The following BCL7A variants were observed in gnomAD, a reference collection of about 807,000 sequenced individuals.
The protein encoded by BCL7A is BAF chromatin remodeling complex subunit BCL7A, also known as B-cell CLL/lymphoma 7 protein family member A.
BCL7A carries 11 observed loss-of-function variants against 28.4 expected under a neutral mutation model. The ratio of observed to expected loss-of-function variants is 0.39; its 90% CI spans 0.24 to 0.64. BCL7A has a LOEUF of 0.64. Ranked by LOEUF, BCL7A falls within the 30% of genes least tolerant of loss-of-function variation. BCL7A has a pLI of 0.50. For missense variants in BCL7A, 222 were observed against 274.8 expected (o/e 0.81, Z 1.36); for synonymous variants, 123 against 103.3 (o/e 1.19, Z -1.15).
At chr12:122,042,413 G>A (rs1883980728) in intron 3 of BCL7A, among the ~76,000 whole-genome samples, 1 of 152,062 alleles carries the variant, frequency 6.6e-6, no homozygotes, top group East Asian at 1.9e-4. Flanking sequence ...CCAGCACTTT[G>A]GTAGGCTGAG....
intron 4 of BCL7A, among the ~76,000 whole-genome samples, chr12:122,048,292 A>G (rs1316102076): frequency 6.6e-6 from 1 of 151,242 alleles, no homozygotes; most frequent in East Asian, 1.9e-4. Flanking sequence ...AAGCTTATCT[A>G]TGTCTGAATC....
chr12:122,025,458 A>C (rs2135837807), intron 1 of BCL7A, among the ~76,000 whole-genome samples: 2 of 151,862 alleles, frequency 1.3e-5, no homozygotes, highest in African/African-American at 4.8e-5. Flanking sequence ...CCCCGTCTCT[A>C]CTAAAAAAAT....
At chr12:122,056,240 C>G (rs1387858041) in intron 5 of BCL7A, among the ~76,000 whole-genome samples, 1 of 152,158 alleles carries the variant, frequency 6.6e-6, no homozygotes, top group Non-Finnish European at 1.5e-5. Flanking sequence ...GCCTCTTGAT[C>G]TCAGAGAAGA....
chr12:122,022,455 G>C, intron 1 of BCL7A, among the ~76,000 whole-genome samples: 1 of 145,496 alleles, frequency 6.9e-6, no homozygotes, highest in South Asian at 2.1e-4. Context: ...GGGCCAGGCG[G>C]TTGGAGCGGC....
intron 1 of BCL7A, among the ~76,000 whole-genome samples, chr12:122,022,811 T>C (rs2135833659): frequency 6.6e-6 from 1 of 151,750 alleles, no homozygotes; most frequent in South Asian, 2.1e-4. Flanking sequence ...GCGAGGGCTC[T>C]CGGCGACCAG....
intron 2 of BCL7A, among the ~76,000 whole-genome samples, chr12:122,034,650 C>T (rs184021166): frequency 1.5e-4 from 22 of 151,302 alleles, no homozygotes; most frequent in African/African-American, 4.6e-4. Context: ...GCAGAAGAAT[C>T]GCTTGAATCT....
At position 122,060,138 on chromosome 12, in the gene BCL7A, C is replaced by T. The variant is rs1951908805; in HGVS notation, c.*975C>T. The T allele has an allele frequency of 4.3e-6, 1 of 233,072 alleles. No homozygotes were observed. Among genetic ancestry groups the T allele is most frequent in the African/African-American group, 2.2e-5 (1 of 45,306 alleles). The allele number at this position is 233,072 out of a possible 1,614,324, so 14.4% of individuals were successfully genotyped here. A position where few individuals can be genotyped will look rare whatever the true frequency, so the allele number is the denominator to read the frequency against. On this transcript the variant is annotated 3_prime_UTR_variant, in exon 6 of 6. Coordinates refer to ENST00000261822, the MANE Select transcript of BCL7A (RefSeq NM_001024808.3). ...GGCGGCAGGATTAGCTGGTGCTGAACTTTCTCTCATAGGACGTCGCTTGGA... is the reference window on the plus strand; with the variant it reads ...GGCGGCAGGATTAGCTGGTGCTGAATTTTCTCTCATAGGACGTCGCTTGGA...
Position 122,061,295 on chromosome 12 carries a change from AC to A in BCL7A, c.*2133del, listed in dbSNP as rs1240043990. 3 of 231,308 alleles carry A rather than the reference AC, an allele frequency of 1.3e-5. No homozygotes were observed. The highest frequency in any genetic ancestry group is 1.7e-5 in the Non-Finnish European group (2 of 116,902). The allele number at this position is 231,308 out of a possible 1,614,324, so 14.3% of individuals were successfully genotyped here. A position where few individuals can be genotyped will look rare whatever the true frequency, so the allele number is the denominator to read the frequency against. On this transcript the variant is annotated 3_prime_UTR_variant, in exon 6 of 6. Coordinates refer to ENST00000261822, the MANE Select transcript of BCL7A (RefSeq NM_001024808.3). ...CTGCCGTTGACCGCAGCCTCTCTGG[AC>A]AGGCAAGGGGAGTTGGCGCAGGTGA...
chr12:122,036,516 C>T (rs1218329483), intron 3 of BCL7A, among the ~76,000 whole-genome samples: 1 of 152,152 alleles, frequency 6.6e-6, no homozygotes, highest in South Asian at 2.1e-4. Flanking sequence ...TCTGTTTTGA[C>T]CTTTTTATTT....
chr12:122,021,927 T>G lies in BCL7A; in HGVS notation c.-165T>G. On this transcript the variant is annotated 5_prime_UTR_variant, in exon 1 of 6. Transcript: ENST00000261822. ...GGCGGCCCCGGGCTTTGTGTGTGTG[T>G]GTATGTGTGTGTGTGTGTGTGTGTG... 1 of 370,798 alleles carries G rather than the reference T, an allele frequency of 2.7e-6. No individual in the cohort carries two copies. Among genetic ancestry groups the G allele is most frequent in the Non-Finnish European group, 4.7e-6 (1 of 213,056 alleles). The allele number at this position is 370,798 out of a possible 1,614,324, so 23.0% of individuals were successfully genotyped here.
intron 3 of BCL7A, among the ~76,000 whole-genome samples, chr12:122,040,709 G>A (rs1403446492): frequency 1.3e-5 from 2 of 152,002 alleles, no homozygotes; most frequent in African/African-American, 4.8e-5. Flanking sequence ...GTGTAAATGG[G>A]AAGGTCAGGG....
chr12:122,041,150 G>C (rs1052937502), intron 3 of BCL7A, among the ~76,000 whole-genome samples: 1 of 152,194 alleles, frequency 6.6e-6, no homozygotes, highest in African/African-American at 2.4e-5. Context: ...TTCCTCGGCA[G>C]GTTGAGGTAG....
rs911087384 is a variant in BCL7A, at chr12:122,031,263, G to A, written c.174+482G>A. ...AGGCTCGTCTTGAACTCCTGACCTC[G>A]GGTGATCCACCTGCCTGGGCCTCCC... is the stretch of plus-strand genomic sequence containing the variant. On this transcript the variant is annotated intron_variant, in intron 2 of 5. Transcript: ENST00000261822. 2.6e-5 allele frequency among the ~76,000 whole-genome samples: 4 copies of A among 152,156 alleles called. No homozygotes were observed. The South Asian group carries it at 6.2e-4, about 24-fold the overall frequency.
intron 4 of BCL7A, among the ~76,000 whole-genome samples, chr12:122,044,575 T>C (rs908731435): frequency 2.6e-5 from 4 of 151,912 alleles, no homozygotes; most frequent in Non-Finnish European, 4.4e-5. Flanking sequence ...ATAATCCTAA[T>C]GCTTTGGAAG....
chr12:122,035,384 C>A lies in BCL7A; in HGVS notation c.228C>A (p.Thr76=), dbSNP rs1309782187. ...ACGAGAAGTGTGGCTCAGAGGTGAC[C>A]ACTCCGGAGAACAGTTCCTCCCCAG... The part of the protein sequence containing the change: ...GKDEKCGSEV[T]TPENSSSPGM... Residue 76 remains threonine (T), a synonymous_variant, in exon 3 of 6, where the codon ACC becomes ACA. Transcript: ENST00000261822. 3 of 1,614,012 alleles carry A rather than the reference C, an allele frequency of 1.9e-6. No homozygotes were observed. Among genetic ancestry groups the A allele is most frequent in the South Asian group, 1.1e-5 (1 of 91,080 alleles).
chr12:122,045,930 A>C (rs10840645), intron 4 of BCL7A, among the ~76,000 whole-genome samples: 57,887 of 151,330 alleles, frequency 0.38, 11,401 homozygotes, highest in Middle Eastern at 0.56. Flanking sequence ...CTCTACAAAA[A>C]ATATAAAAAT....
intron 3 of BCL7A, among the ~76,000 whole-genome samples, chr12:122,038,505 C>A (rs1038545807): frequency 4.7e-5 from 7 of 150,088 alleles, no homozygotes. Flanking sequence ...GAAAGCCCCC[C>A]CAACCAGCCA....
intron 1 of BCL7A, among the ~76,000 whole-genome samples, chr12:122,028,647 C>T (rs1425907100): frequency 3.9e-5 from 6 of 152,128 alleles, no homozygotes; most frequent in African/African-American, 1.4e-4. Flanking sequence ...ATCTAATTCT[C>T]TTCTGCCACT....
intron 3 of BCL7A, among the ~76,000 whole-genome samples, chr12:122,042,806 A>G (rs1427462639): frequency 6.6e-6 from 1 of 152,078 alleles, no homozygotes; most frequent in Non-Finnish European, 1.5e-5. Flanking sequence ...GTTTCTACAT[A>G]CCCACTGTCC....
Sources: gnomAD v4.1 joint callset for allele counts (sites outside exome capture counted in the v4.1 genomes callset) on GRCh38, gnomAD v4.1.1 for gene constraint, MANE v1.5 for transcripts, NCBI Gene and HGNC (gene_info 2026-07-23, HGNC 2026-07-21) for gene names.